NTM: variants seen among roughly 807,000 people sequenced by gnomAD.
The protein encoded by NTM is neurotrimin.
A neutral mutation model predicts 42.1 loss-of-function variants in NTM; 13 were observed. The observed-to-expected ratio is 0.31, with a 90% confidence interval of 0.20 to 0.49. The LOEUF is 0.49. Ranked by LOEUF, NTM falls within the 20% of genes least tolerant of loss-of-function variation. The pLI is 0.99. For synonymous variants in NTM, 187 were observed against 179.2 expected, an observed-to-expected ratio of 1.04 and a Z score of -0.35; for missense variants, 373 against 452.8, an observed-to-expected ratio of 0.82 and a Z score of 1.60.
intron 1 of NTM, among the ~76,000 whole-genome samples, chr11:131,609,593 A>G (rs1015062417): frequency 6.6e-6 from 1 of 152,182 alleles, no homozygotes; most frequent in African/African-American, 2.4e-5. Flanking sequence ...GGGGCAAGGC[A>G]TTGGAAAAGC....
chr11:131,473,681 A>G (rs897722523), intron 1 of NTM, among the ~76,000 whole-genome samples: 1 of 152,230 alleles, frequency 6.6e-6, no homozygotes, highest in East Asian at 1.9e-4. Flanking sequence ...TCCCAGGTAT[A>G]ACAGCTCCAT....
chr11:131,710,397 C>T (rs1027961598), intron 1 of NTM, among the ~76,000 whole-genome samples: 60 of 152,244 alleles, frequency 3.9e-4, no homozygotes, highest in African/African-American at 1.4e-3. Context: ...CCTCACCAAG[C>T]GGGTCCATGT....
chr11:131,916,845 A>G (rs1325483350), intron 2 of NTM, among the ~76,000 whole-genome samples: 1 of 152,192 alleles, frequency 6.6e-6, no homozygotes, highest in Non-Finnish European at 1.5e-5. Flanking sequence ...ACCCATAAAC[A>G]CAGCTTATTC....
chr11:131,990,419 T>G (rs995986615), intron 2 of NTM, among the ~76,000 whole-genome samples: 4 of 152,136 alleles, frequency 2.6e-5, no homozygotes, highest in African/African-American at 9.6e-5. Flanking sequence ...ATATTGAACG[T>G]TCAAGGTAGT....
intron 3 of NTM, among the ~76,000 whole-genome samples, chr11:132,148,452 C>T (rs572233958): frequency 1.3e-5 from 2 of 152,124 alleles, no homozygotes; most frequent in East Asian, 1.9e-4. Context: ...TCCTGTCCTG[C>T]CCCAACCCCT....
At chr11:132,268,434 A>C (rs759574854) in intron 4 of NTM, among the ~76,000 whole-genome samples, 6 of 152,204 alleles carry the variant, frequency 3.9e-5, no homozygotes, top group Non-Finnish European at 8.8e-5. Context: ...TTCACAACAC[A>C]CATAAAATCA....
intron 1 of NTM, among the ~76,000 whole-genome samples, chr11:131,808,968 A>C (rs1371806028): frequency 6.6e-6 from 1 of 152,252 alleles, no homozygotes; most frequent in Non-Finnish European, 1.5e-5. Context: ...CATCACACCT[A>C]CCTAGCAATG....
chr11:131,853,920 T>A (rs767910585), intron 1 of NTM, among the ~76,000 whole-genome samples: 1 of 152,232 alleles, frequency 6.6e-6, no homozygotes, highest in African/African-American at 2.4e-5. Flanking sequence ...TCTTTTTGAA[T>A]GAGTTATACA....
intron 2 of NTM, among the ~76,000 whole-genome samples, chr11:131,952,985 A>G (rs1033759469): frequency 1.3e-5 from 2 of 152,214 alleles, no homozygotes; most frequent in Admixed American, 6.5e-5. Context: ...AGTCTCTGAT[A>G]TAAGAAATAC....
At chr11:131,834,104 A>T (rs1308057669) in intron 1 of NTM, among the ~76,000 whole-genome samples, 1 of 151,968 alleles carries the variant, frequency 6.6e-6, no homozygotes, top group Non-Finnish European at 1.5e-5. Flanking sequence ...TCGTTTGTTC[A>T]TTGGTTTCTG....
At chr11:132,162,806 G>A (rs1027479082) in intron 3 of NTM, among the ~76,000 whole-genome samples, 7 of 151,262 alleles carry the variant, frequency 4.6e-5, no homozygotes, top group South Asian at 4.2e-4. Flanking sequence ...TGTTTGTATA[G>A]GGAGTGTGTA....
chr11:131,774,211 C>T, intron 1 of NTM: 1 of 686,880 alleles, frequency 1.5e-6, no homozygotes, highest in East Asian at 1.3e-4. Context: ...GGCTTCTTAC[C>T]CCTCAGGCAC....
intron 1 of NTM, among the ~76,000 whole-genome samples, chr11:131,427,092 T>C (rs1434281946): frequency 1.3e-5 from 2 of 151,944 alleles, no homozygotes; most frequent in East Asian, 1.9e-4. Context: ...CTGAGTTAGG[T>C]TGCATCTGGG....
chr11:131,794,389 C>T (rs562674359), intron 1 of NTM: 4 of 686,590 alleles, frequency 5.8e-6, no homozygotes, highest in Non-Finnish European at 7.2e-6. Context: ...AGCCATTAGC[C>T]TAAAACTCAC....
intron 2 of NTM, among the ~76,000 whole-genome samples, chr11:131,977,348 G>A (rs2064557770): frequency 6.6e-6 from 1 of 152,220 alleles, no homozygotes; most frequent in Non-Finnish European, 1.5e-5. Flanking sequence ...TCTTCCTATT[G>A]TGAAAACAAT....
intron 1 of NTM, among the ~76,000 whole-genome samples, chr11:131,895,325 T>C (rs957422684): frequency 3.9e-5 from 6 of 152,130 alleles, no homozygotes; most frequent in African/African-American, 1.4e-4. Flanking sequence ...ACCCATACAG[T>C]GTGCCTCATC....
chr11:132,290,139 T>A (rs2094405425), intron 4 of NTM, among the ~76,000 whole-genome samples: 1 of 152,244 alleles, frequency 6.6e-6, no homozygotes, highest in East Asian at 1.9e-4. Flanking sequence ...TATGTATTTT[T>A]GTCAGTTATA....
intron 2 of NTM, among the ~76,000 whole-genome samples, chr11:132,047,372 G>T (rs777285718): frequency 6.6e-6 from 1 of 152,206 alleles, no homozygotes. Flanking sequence ...GTCTTTCAGT[G>T]TTGAGGTCAA....
intron 3 of NTM, among the ~76,000 whole-genome samples, chr11:132,164,621 T>C (rs1293058953): frequency 6.6e-6 from 1 of 151,944 alleles, no homozygotes; most frequent in Non-Finnish European, 1.5e-5. Context: ...TTGGCTGAGG[T>C]AGAACCAGCA....
Sources: allele counts gnomAD v4.1 joint callset (sites outside exome capture counted in the v4.1 genomes callset), GRCh38; gene constraint gnomAD v4.1.1; transcripts MANE v1.5; gene names NCBI Gene and HGNC (gene_info 2026-07-23, HGNC 2026-07-21).